The following ADAMTS7 variants were observed in gnomAD, a reference collection of about 807,000 sequenced individuals.
The protein encoded by ADAMTS7 is A disintegrin and metalloproteinase with thrombospondin motifs 7.
Under a neutral mutation model 172.6 loss-of-function variants are expected in ADAMTS7, and 89 were observed. The ratio of observed to expected loss-of-function variants is 0.52; its 90% CI spans 0.43 to 0.61. The LOEUF is 0.61. Among genes scored for constraint, ADAMTS7 ranks in the 20% least tolerant of loss-of-function variants. ADAMTS7 has a pLI of 0.00. For missense variants in ADAMTS7, 1,973 were observed against 2,355.6 expected, an observed-to-expected ratio of 0.84 and a Z score of 3.36; for synonymous variants, 885 against 978.4, an observed-to-expected ratio of 0.90 and a Z score of 1.78.
At chr15:78,760,836 T>C (rs1402468425) in intron 23 of ADAMTS7, among the ~76,000 whole-genome samples, 5 of 152,040 alleles carry the variant, frequency 3.3e-5, no homozygotes, top group East Asian at 3.9e-4. Flanking sequence ...CCAGCCCCCA[T>C]AGCCCACTCC....
chr15:78,767,047 G>A lies in ADAMTS7; in HGVS notation c.2864C>T (p.Ser955Leu), dbSNP rs1421144964. The A allele has an allele frequency of 4.5e-6, 7 of 1,546,334 alleles. No homozygotes were observed. In the Admixed American group the frequency reaches 1.2e-4, roughly 26 times the overall value. The change falls in exon 19 of 24, where the codon TCA becomes TTA. Residue 955 changes from serine to leucine, a missense_variant. Transcript: ENST00000388820. ...TWAVGNWSQCSVTCGEGTQRR... is the reference protein window; with the variant it reads ...TWAVGNWSQCLVTCGEGTQRR... ...CTGAGTGCCCTCCCCACATGTCACT[G>A]AGCACTGCAGGGGAAGCCAGGGTGA...
intron 8 of ADAMTS7, among the ~76,000 whole-genome samples, chr15:78,782,942 G>A (rs1318107411): frequency 6.6e-6 from 1 of 152,104 alleles, no homozygotes; most frequent in Non-Finnish European, 1.5e-5. Flanking sequence ...CCCAGGAATG[G>A]TAGACATACA....
intron 3 of ADAMTS7, 70 bp from the exon 4 acceptor site, chr15:78,796,856 C>A: frequency 7.2e-7 from 1 of 1,388,164 alleles, no homozygotes; most frequent in South Asian, 1.4e-5. Context: ...CAGGGCCTCT[C>A]CTCAGTGAGC....
chr15:78,766,737 C>A lies in ADAMTS7; in HGVS notation c.3174G>T (p.Val1058=), dbSNP rs1258292850. The A allele has an allele frequency of 3.1e-6, 5 of 1,610,768 alleles. No homozygotes were observed. Among genetic ancestry groups the A allele is most frequent in the Middle Eastern group, 2.3e-4 (1 of 4,432 alleles). The change falls in exon 19 of 24, where the codon GTG becomes GTT. Residue 1058 remains valine, a synonymous_variant. Transcript: ENST00000388820. ...AGTCGTAGTAGAAGTCGTCCACAAA[C>A]ACGGGCCCCGGCAGGTCCAGCTCTG... The part of the protein sequence containing the change: ...EAPELDLPGP[V]FVDDFYYDYN...
intron 1 of ADAMTS7, among the ~76,000 whole-genome samples, chr15:78,802,784 C>T (rs563036330): frequency 3.8e-4 from 58 of 152,224 alleles, no homozygotes; most frequent in African/African-American, 1.4e-3. Flanking sequence ...ATCACTTGAG[C>T]TCAGGAGTTT....
In ADAMTS7 at chr15:78,777,487, C is replaced by T. The variant is rs532722308; in HGVS notation, c.1424G>A (p.Arg475His). Residue 475 changes from arginine to histidine, a missense_variant, in exon 9 of 24, where the codon CGC becomes CAC. Physicochemically the swap from Arg to His is conservative, Grantham distance 29. This residue lies in a region of ADAMTS7 where 526 missense variants were observed against 662.9 expected (regional missense o/e 0.79). Transcript: ENST00000388820. Reference sequence around the variant, plus strand: ...GGCAGAGTAGGCCCCGTACTGGAGGCGGCACTGGTGGCTTACATCATAGAG... The same window carrying T: ...GGCAGAGTAGGCCCCGTACTGGAGGTGGCACTGGTGGCTTACATCATAGAG... ...GVLYDVSHQCRLQYGAYSAFC... is the reference protein window; with the variant it reads ...GVLYDVSHQCHLQYGAYSAFC... 46 of 1,612,798 alleles carry T rather than the reference C, an allele frequency of 2.9e-5. No homozygotes were observed. Among genetic ancestry groups the T allele is most frequent in the South Asian group, 2.0e-4 (18 of 90,678 alleles).
chr15:78,806,128 A>ACACACACAC (rs1491145070), intron 1 of ADAMTS7, among the ~76,000 whole-genome samples: 10 of 19,314 alleles, frequency 5.2e-4, no homozygotes, highest in East Asian at 3.1e-3. Context: ...ACACACACAC[A>ACACACACAC]AAAAAAAAAA....
chr15:78,764,670 G>A lies in ADAMTS7; in HGVS notation c.4304C>T (p.Pro1435Leu), dbSNP rs201848559. ...TTCGLGAVWRPVRCSSGRDED... is the reference protein window; with the variant it reads ...TTCGLGAVWRLVRCSSGRDED... ...ATCCCGGCCGGAGCTACAGCGCACC[G>A]GCCTCCAGACCGCACCCAGGCCACA... is the stretch of plus-strand genomic sequence containing the variant. Residue 1435 changes from proline (P) to leucine (L), a missense_variant, in exon 20 of 24, where the codon CCG becomes CTG. Pro to Leu is a moderately conservative substitution (Grantham distance 98). Transcript: ENST00000388820. 5.0e-4 allele frequency: 785 copies of A among 1,571,024 alleles called. 4 individuals carry two copies. Among genetic ancestry groups the A allele is most frequent in the South Asian group, 4.0e-3 (349 of 86,646 alleles).
At chr15:78,783,855 T>C (rs989410148) in intron 8 of ADAMTS7, among the ~76,000 whole-genome samples, 3 of 152,076 alleles carry the variant, frequency 2.0e-5, no homozygotes, top group Admixed American at 6.5e-5. Flanking sequence ...TTTTGGACTT[T>C]CAGACTGGGG....
intron 8 of ADAMTS7, among the ~76,000 whole-genome samples, chr15:78,778,355 T>C (rs1484579846): frequency 2.0e-5 from 3 of 152,228 alleles, no homozygotes; most frequent in African/African-American, 4.8e-5. Context: ...CAGTCCCTTC[T>C]GGCACCCGCT....
Position 78,800,432 on chromosome 15 carries a change from T to TA in ADAMTS7, c.215dup (p.Ser73IlefsTer66). The TA allele has an allele frequency of 6.2e-7, 1 of 1,610,782 alleles. No homozygotes were observed. Among genetic ancestry groups the TA allele is most frequent in the Non-Finnish European group, 8.5e-7 (1 of 1,178,922 alleles). On this transcript the variant is annotated frameshift_variant, in exon 2 of 24. Coordinates refer to ENST00000388820, the MANE Select transcript of ADAMTS7 (RefSeq NM_014272.5). LOFTEE classifies it high-confidence loss of function. ...AGGCGGGCGCGTCTCGGCGCACAGA[T>TA]ACATCCCGCTTGCGCAGTGCGCGGG...
At chr15:78,789,946 G>A in intron 6 of ADAMTS7, 108 bp from the exon 7 acceptor site, 1 of 1,432,784 alleles carries the variant, frequency 7.0e-7, no homozygotes, top group Non-Finnish European at 9.3e-7. Flanking sequence ...CGAAAAGGAT[G>A]TCTCTCCCAC....
intron 2 of ADAMTS7, among the ~76,000 whole-genome samples, chr15:78,798,544 G>A (rs1223902289): frequency 2.0e-5 from 3 of 152,126 alleles, no homozygotes; most frequent in African/African-American, 4.8e-5. Context: ...CCTCCCAGCT[G>A]GCCAGGGCTT....
intron 20 of ADAMTS7, 81 bp from the exon 21 acceptor site, chr15:78,764,180 G>C: frequency 7.4e-7 from 1 of 1,354,948 alleles, no homozygotes; most frequent in Non-Finnish European, 9.5e-7. Context: ...TGGCGGGAAA[G>C]GCATCCAGGC....
At chr15:78,803,625 G>A (rs2055753604) in intron 1 of ADAMTS7, among the ~76,000 whole-genome samples, 1 of 152,162 alleles carries the variant, frequency 6.6e-6, no homozygotes, top group Non-Finnish European at 1.5e-5. Context: ...GCGAGTTCTT[G>A]TATTTTTAGT....
Position 78,777,458 on chromosome 15 carries a change from A to G in ADAMTS7, c.1453T>C (p.Cys485Arg). ...GCCCCACTCACATCCATGTCCTCGC[A>G]GAAGGCAGAGTAGGCCCCGTACTGG... Reference protein sequence around the residue: ...RLQYGAYSAFCEDMDNVCHTL... With the variant: ...RLQYGAYSAFREDMDNVCHTL... The change falls in exon 9 of 24, where the codon TGC becomes CGC. Residue 485 changes from cysteine to arginine, a missense_variant. Physicochemically the swap from Cys to Arg is radical, Grantham distance 180. Transcript: ENST00000388820. 1 of 1,612,962 alleles carries G rather than the reference A, an allele frequency of 6.2e-7. No homozygotes were observed. Among genetic ancestry groups the G allele is most frequent in the African/African-American group, 1.3e-5 (1 of 75,046 alleles).
chr15:78,763,682 C>T lies in ADAMTS7; in HGVS notation c.4740+17G>A. 6.6e-7 allele frequency: 1 copy of T among 1,517,416 alleles called. No individual in the cohort carries two copies. Among genetic ancestry groups the T allele is most frequent in the Non-Finnish European group, 8.8e-7 (1 of 1,137,948 alleles). The allele number at this position is 1,517,416 out of a possible 1,614,324, so 94.0% of individuals were successfully genotyped here. On this transcript the variant is annotated intron_variant, in intron 22 of 23. Coordinates refer to ENST00000388820, the MANE Select transcript of ADAMTS7 (RefSeq NM_014272.5). ...ACCAAGCACTTGCTCCCTGCTCCTC[C>T]CCGCAGCCCGGCTCACCTGGCCCCA...
intron 4 of ADAMTS7, among the ~76,000 whole-genome samples, chr15:78,794,521 T>C (rs1324812541): frequency 6.6e-6 from 1 of 152,158 alleles, no homozygotes; most frequent in Non-Finnish European, 1.5e-5. Context: ...AAAAGCTTGA[T>C]ATTGTCAGAG....
intron 1 of ADAMTS7, among the ~76,000 whole-genome samples, chr15:78,806,777 T>C (rs2055802889): frequency 6.6e-6 from 1 of 152,122 alleles, no homozygotes; most frequent in Non-Finnish European, 1.5e-5. Flanking sequence ...TATGTTTTTG[T>C]TTTTTTGAGA....
Sources: gnomAD v4.1 joint callset for allele counts (sites outside exome capture counted in the v4.1 genomes callset) on GRCh38, gnomAD v4.1.1 for gene constraint, gnomAD v4.1.1 regional missense constraint, MANE v1.5 for transcripts, NCBI Gene and HGNC (gene_info 2026-07-23, HGNC 2026-07-21) for gene names.